Variants in TAFA1 observed in about 807,000 individuals in gnomAD.
TAFA1 encodes the protein chemokine-like protein TAFA-1.
A neutral mutation model predicts 18.5 loss-of-function variants in TAFA1; 4 were observed. That is an observed-to-expected ratio of 0.22 (90% CI 0.11 to 0.49). The LOEUF is 0.49. TAFA1 is among the 20% of genes least tolerant of loss of function. The probability of loss-of-function intolerance (pLI) is 0.98; values close to 1 mark genes in which losing one functional copy is unlikely to be tolerated. For missense variants in TAFA1, 147 were observed against 169.0 expected, an observed-to-expected ratio of 0.87 and a Z score of 0.72; for synonymous variants, 56 against 55.2, an observed-to-expected ratio of 1.01 and a Z score of -0.06.
In TAFA1 at chr3:68,148,771, C is replaced by T. The variant is rs185581869; in HGVS notation, c.118+142027C>T. Among the ~76,000 whole-genome samples the T allele has an allele frequency of 1.1e-4, 16 of 152,216 alleles. No homozygotes were observed. In the East Asian group the frequency reaches 3.1e-3, roughly 29 times the overall value. On this transcript the variant is annotated intron_variant, in intron 2 of 4. Transcript: ENST00000478136. ...GGAGGCAGAGCTAAGGGTTATCCCC[C>T]CAAGGCACAGGACATCCCTTTATAC...
intron 2 of TAFA1, among the ~76,000 whole-genome samples, chr3:68,206,617 G>A (rs1200245947): frequency 6.6e-6 from 1 of 151,876 alleles, no homozygotes; most frequent in African/African-American, 2.4e-5. Flanking sequence ...TTTATTCAAT[G>A]TCACCATAAA....
At chr3:68,538,978 A>G (rs1435134300) in intron 4 of TAFA1, 98 bp downstream of exon 4, 1 of 1,274,426 alleles carries the variant, frequency 7.8e-7, no homozygotes, top group African/African-American at 1.5e-5. Flanking sequence ...TGCACAGGAG[A>G]GAAGATTCTC....
chr3:68,294,654 A>C (rs1409204905), intron 2 of TAFA1, among the ~76,000 whole-genome samples: 1 of 152,064 alleles, frequency 6.6e-6, no homozygotes, highest in Non-Finnish European at 1.5e-5. Context: ...GGAGGCTGAG[A>C]TGGGCAAATG....
chr3:68,442,626 G>T (rs1184734542), intron 3 of TAFA1, among the ~76,000 whole-genome samples: 1 of 152,090 alleles, frequency 6.6e-6, no homozygotes, highest in Admixed American at 6.6e-5. Flanking sequence ...AAAGAAAGAG[G>T]GAGGCAGGGA....
chr3:68,044,705 T>G (rs554689119), intron 2 of TAFA1, among the ~76,000 whole-genome samples: 2 of 152,284 alleles, frequency 1.3e-5, no homozygotes, highest in South Asian at 4.1e-4. Context: ...AACATGGAAT[T>G]TTAGAATTGG....
intron 3 of TAFA1, among the ~76,000 whole-genome samples, chr3:68,465,915 G>C (rs552089422): frequency 1.3e-5 from 2 of 152,148 alleles, no homozygotes; most frequent in Non-Finnish European, 2.9e-5. Context: ...GGGTGGGATA[G>C]GGGAGGGAAT....
chr3:68,432,283 T>C (rs768044398), intron 3 of TAFA1, among the ~76,000 whole-genome samples: 33 of 151,916 alleles, frequency 2.2e-4, no homozygotes, highest in Admixed American at 9.9e-4. Context: ...ACAGTCTCTT[T>C]TTCTATAAAA....
intron 2 of TAFA1, among the ~76,000 whole-genome samples, chr3:68,248,113 T>G (rs569358133): frequency 6.6e-6 from 1 of 152,150 alleles, no homozygotes; most frequent in Non-Finnish European, 1.5e-5. Context: ...GAGAATAGGG[T>G]GATTGTGAGC....
chr3:68,037,185 C>G (rs941560343), intron 2 of TAFA1, among the ~76,000 whole-genome samples: 2 of 152,140 alleles, frequency 1.3e-5, no homozygotes, highest in East Asian at 1.9e-4. Context: ...GTGTTCCAGA[C>G]AGAAGAAAGA....
intron 2 of TAFA1, among the ~76,000 whole-genome samples, chr3:68,295,572 G>C (rs916373249): frequency 6.6e-6 from 1 of 152,076 alleles, no homozygotes; most frequent in East Asian, 1.9e-4. Context: ...AGAGAGACTT[G>C]TTTTGCTTCA....
At chr3:68,045,245 T>G (rs1705243844) in intron 2 of TAFA1, among the ~76,000 whole-genome samples, 1 of 152,108 alleles carries the variant, frequency 6.6e-6, no homozygotes, top group South Asian at 2.1e-4. Flanking sequence ...ACAAGAGACC[T>G]CTTAAGACCT....
At chr3:68,227,692 G>A (rs1035690769) in intron 2 of TAFA1, among the ~76,000 whole-genome samples, 2 of 152,148 alleles carry the variant, frequency 1.3e-5, no homozygotes, top group Admixed American at 6.5e-5. Flanking sequence ...CTAGACTGTT[G>A]GCTTTTTTTC....
At position 68,071,083 on chromosome 3, in the gene TAFA1, C is replaced by T. The variant is rs973484111; in HGVS notation, c.118+64339C>T. ...GGTATCTTTTCAGCAGTCCCCCATT[C>T]TCCTGGTCCCAATTTACTGTATTAG... is the stretch of plus-strand genomic sequence containing the variant. On this transcript the variant is annotated intron_variant, in intron 2 of 4. Transcript: ENST00000478136. Among the ~76,000 whole-genome samples the T allele has an allele frequency of 3.3e-5, 5 of 152,232 alleles. No homozygotes were observed. In the South Asian group the frequency reaches 8.3e-4, roughly 25 times the overall value.
At chr3:68,542,309 T>G (rs140567692) in intron 4 of TAFA1, among the ~76,000 whole-genome samples, 2 of 152,284 alleles carry the variant, frequency 1.3e-5, no homozygotes, top group East Asian at 3.9e-4. Context: ...TGCGTCTGCT[T>G]GATCATTGCT....
intron 3 of TAFA1, among the ~76,000 whole-genome samples, chr3:68,453,729 G>T (rs755977658): frequency 5.9e-5 from 9 of 152,172 alleles, no homozygotes; most frequent in Non-Finnish European, 1.2e-4. Context: ...GGAACTATTT[G>T]TCAGGGTGAA....
chr3:68,404,301 T>C (rs2106756212), intron 2 of TAFA1, among the ~76,000 whole-genome samples: 1 of 152,300 alleles, frequency 6.6e-6, no homozygotes, highest in Middle Eastern at 3.4e-3. Context: ...AAGAATGCCA[T>C]TCATTGATGC....
chr3:68,495,569 C>T (rs1264743763), intron 3 of TAFA1, among the ~76,000 whole-genome samples: 2 of 152,090 alleles, frequency 1.3e-5, no homozygotes, highest in African/African-American at 4.8e-5. Context: ...GTGTACGTTT[C>T]ATTGATTTTA....
intron 2 of TAFA1, among the ~76,000 whole-genome samples, chr3:68,021,190 A>AAC (rs1704682332): frequency 7.7e-6 from 1 of 129,592 alleles, no homozygotes; most frequent in Non-Finnish European, 1.6e-5. Flanking sequence ...TGTCTCAAAA[A>AAC]AAAAAAAAAA....
intron 2 of TAFA1, among the ~76,000 whole-genome samples, chr3:68,353,846 A>G (rs2069314818): frequency 6.6e-6 from 1 of 152,072 alleles, no homozygotes; most frequent in Non-Finnish European, 1.5e-5. Context: ...AGTAAGCTCT[A>G]TTATAATTCC....
Sources: allele counts gnomAD v4.1 joint callset (sites outside exome capture counted in the v4.1 genomes callset), GRCh38; gene constraint gnomAD v4.1.1; transcripts MANE v1.5; gene names NCBI Gene and HGNC (gene_info 2026-07-23, HGNC 2026-07-21).